The following DOCK2 variants were observed in gnomAD, a reference collection of about 807,000 sequenced individuals.
The protein encoded by DOCK2 is dedicator of cytokinesis 2, also known as dedicator of cytokinesis protein 2.
In DOCK2, 87 loss-of-function variants were observed where a neutral mutation model predicts 248.9. The observed-to-expected ratio is 0.35, with a 90% CI of 0.29 to 0.42. DOCK2 has a LOEUF of 0.42. Ranked by LOEUF, DOCK2 falls within the 10% of genes least tolerant of loss-of-function variation. DOCK2 has a pLI of 1.00. For missense variants in DOCK2, 1,747 were observed against 2,300.2 expected, an observed-to-expected ratio of 0.76 and a Z score of 4.92; for synonymous variants, 805 against 821.6, an observed-to-expected ratio of 0.98 and a Z score of 0.35.
intron 1 of DOCK2, among the ~76,000 whole-genome samples, chr5:169,646,908 C>A (rs949742217): frequency 6.6e-6 from 1 of 152,242 alleles, no homozygotes; most frequent in Non-Finnish European, 1.5e-5. Context: ...CTGTTCAGAT[C>A]AATTAAGTTC....
chr5:169,713,739 A>G lies in DOCK2; in HGVS notation c.1660-289A>G, dbSNP rs150400938. 6.8e-4 allele frequency among the ~76,000 whole-genome samples: 103 copies of G among 152,344 alleles called. 3 individuals are homozygous for G. The East Asian group carries it at 0.018, about 27-fold the overall frequency. ...GGTCTCAAAAAAAGGATGAATTAAA[A>G]TGTACTGTCTGGGAATTTTCAATTC... On this transcript the variant is annotated intron_variant, in intron 17 of 51. Coordinates refer to ENST00000520908, the MANE Select transcript of DOCK2 (RefSeq NM_004946.3).
Position 169,908,102 on chromosome 5 carries a change from A to T in DOCK2, c.2799+67250A>T, listed in dbSNP as rs192346389. Reference sequence around the variant, plus strand: ...TTCATTGAACAACAGAGCAAGGGAAAGCCCAATGTATTCTGCAGCCCCATT... The same window carrying T: ...TTCATTGAACAACAGAGCAAGGGAATGCCCAATGTATTCTGCAGCCCCATT... On this transcript the variant is annotated intron_variant, in intron 27 of 51. Coordinates refer to ENST00000520908, the MANE Select transcript of DOCK2 (RefSeq NM_004946.3). 3.2e-3 allele frequency among the ~76,000 whole-genome samples: 480 copies of T among 152,336 alleles called. 4 individuals are homozygous for T. The highest frequency in any genetic ancestry group is 0.011 in the African/African-American group (443 of 41,568).
chr5:169,689,426 G>A, intron 9 of DOCK2, 93 bp downstream of exon 9: 1 of 1,341,750 alleles, frequency 7.5e-7, no homozygotes, highest in Non-Finnish European at 1.1e-6. Flanking sequence ...GGTGAAGTGT[G>A]GCTGTCCTGC....
In DOCK2 at chr5:169,718,696, C is replaced by T; in HGVS notation, c.2172C>T (p.Ser724=). 1 of 1,613,824 alleles carries T rather than the reference C, an allele frequency of 6.2e-7. No individual in the cohort carries two copies. The highest frequency in any genetic ancestry group is 8.5e-7 in the Non-Finnish European group (1 of 1,179,836). ...MTVLKTYLDT[S]SRGEQCEPIL... is the part of the protein sequence containing the mutation. ...TGCTGAAGACTTACTTGGATACCTC[C>T]AGCAGAGGGGAGCAATGTGAGCCAA... The change falls in exon 22 of 52, where the codon TCC becomes TCT. Residue 724 remains serine, a synonymous_variant. Coordinates refer to ENST00000520908, the MANE Select transcript of DOCK2 (RefSeq NM_004946.3).
At chr5:169,709,653 G>T (rs12658860) in intron 15 of DOCK2, among the ~76,000 whole-genome samples, 1 of 151,820 alleles carries the variant, frequency 6.6e-6, no homozygotes, top group Non-Finnish European at 1.5e-5. Flanking sequence ...CCTGGGAGGC[G>T]GAGGTTGCAG....
Position 169,984,503 on chromosome 5 carries a change from G to GTT in DOCK2, c.2899-1325_2899-1324insTT, listed in dbSNP as rs566545146. ...TCCCATTCTGCTGACGTGGAAACTA[G>GTT]GACTTAAAGTGTTGAGGTAGTTTTC... is the stretch of plus-strand genomic sequence containing the variant. On this transcript the variant is annotated intron_variant, in intron 28 of 51. Coordinates refer to ENST00000520908, the MANE Select transcript of DOCK2 (RefSeq NM_004946.3). 1.7e-3 allele frequency among the ~76,000 whole-genome samples: 252 copies of GTT among 152,264 alleles called. 2 individuals carry two copies. Among genetic ancestry groups the GTT allele is most frequent in the African/African-American group, 5.7e-3 (235 of 41,528 alleles).
chr5:169,975,822 A>G, intron 27 of DOCK2, among the ~76,000 whole-genome samples: 1 of 152,214 alleles, frequency 6.6e-6, no homozygotes, highest in East Asian at 1.9e-4. Context: ...TGAGCTTCTT[A>G]AGAACAAAGC....
chr5:169,999,696 G>A (rs548774308), intron 30 of DOCK2, among the ~76,000 whole-genome samples: 1 of 152,234 alleles, frequency 6.6e-6, no homozygotes, highest in Admixed American at 6.5e-5. Flanking sequence ...CCTTATCTTT[G>A]TTCTCCTACC....
intron 27 of DOCK2, among the ~76,000 whole-genome samples, chr5:169,919,738 C>T (rs965567063): frequency 2.6e-5 from 4 of 152,136 alleles, no homozygotes; most frequent in African/African-American, 7.2e-5. Context: ...TGAGTCCCCG[C>T]GAAACCTGCT....
intron 22 of DOCK2, among the ~76,000 whole-genome samples, chr5:169,731,097 G>T (rs1297946091): frequency 6.6e-6 from 1 of 152,052 alleles, no homozygotes; most frequent in Non-Finnish European, 1.5e-5. Context: ...TGAACTTCTG[G>T]CCTCAAGTGA....
rs367767230 is a variant in DOCK2 at position 170,045,419 on chromosome 5, G to A, written c.3877-397G>A. Among the ~76,000 whole-genome samples the A allele has an allele frequency of 2.3e-4, 35 of 152,286 alleles. No homozygotes were observed. The South Asian group carries it at 6.6e-3, about 29-fold the overall frequency. On this transcript the variant is annotated intron_variant, in intron 38 of 51. Coordinates refer to ENST00000520908, the MANE Select transcript of DOCK2 (RefSeq NM_004946.3). ...AGGGACTGAAGAGCAAGGCCCTGGA[G>A]ACACACACGGGGGCTTGCATCCTGA...
chr5:169,996,534 A>G (rs868539313), intron 30 of DOCK2, among the ~76,000 whole-genome samples: 16 of 152,216 alleles, frequency 1.1e-4, no homozygotes, highest in South Asian at 2.1e-4. Flanking sequence ...ATGATTTACA[A>G]TCAAATTCTC....
intron 25 of DOCK2, among the ~76,000 whole-genome samples, chr5:169,795,375 G>A (rs1048468003): frequency 6.6e-6 from 1 of 152,020 alleles, no homozygotes; most frequent in East Asian, 1.9e-4. Flanking sequence ...ATACATTTTG[G>A]TCCCCGAGGG....
At chr5:170,027,635 G>GCTCT (rs150089579) in intron 33 of DOCK2, among the ~76,000 whole-genome samples, 21 of 150,070 alleles carry the variant, frequency 1.4e-4, no homozygotes, top group Admixed American at 3.3e-4. Flanking sequence ...TCTCGCACGT[G>GCTCT]CTCTCTCTCT....
intron 27 of DOCK2, among the ~76,000 whole-genome samples, chr5:169,973,872 A>G (rs1437365497): frequency 1.3e-5 from 2 of 152,120 alleles, no homozygotes; most frequent in Non-Finnish European, 2.9e-5. Context: ...CCATCTATTC[A>G]TTCATTCATC....
intron 1 of DOCK2, among the ~76,000 whole-genome samples, chr5:169,644,142 C>T (rs1025508273): frequency 1.3e-5 from 2 of 152,010 alleles, no homozygotes; most frequent in Admixed American, 6.6e-5. Flanking sequence ...AGCAGTGCCT[C>T]GTAGGTATTG....
chr5:170,027,283 G>C (rs2113830487), intron 33 of DOCK2, among the ~76,000 whole-genome samples: 1 of 152,224 alleles, frequency 6.6e-6, no homozygotes, highest in Non-Finnish European at 1.5e-5. Flanking sequence ...CTTGTGTCAG[G>C]TTTCCACATC....
chr5:170,025,800 C>CTTCT (rs1203281609), intron 33 of DOCK2, among the ~76,000 whole-genome samples: 118 of 75,316 alleles, frequency 1.6e-3, no homozygotes, highest in African/African-American at 5.6e-3. Context: ...CCCTTCCTTC[C>CTTCT]TTCCTTCCTT....
At chr5:169,647,039 A>G (rs1394294701) in intron 1 of DOCK2, among the ~76,000 whole-genome samples, 1 of 152,204 alleles carries the variant, frequency 6.6e-6, no homozygotes, top group Non-Finnish European at 1.5e-5. Context: ...AGCAGAGAGC[A>G]CCATTATTAG....
Sources: allele counts gnomAD v4.1 joint callset (sites outside exome capture counted in the v4.1 genomes callset), GRCh38; gene constraint gnomAD v4.1.1; transcripts MANE v1.5; gene names NCBI Gene and HGNC (gene_info 2026-07-23, HGNC 2026-07-21).